Variants in ZBTB8A observed in about 807,000 individuals in gnomAD.
ZBTB8A encodes zinc finger and BTB domain containing 8A, also known as zinc finger and BTB domain-containing protein 8A.
A neutral mutation model predicts 37.8 loss-of-function variants in ZBTB8A; 19 were observed. The ratio of observed to expected loss-of-function variants is 0.50; its 90% CI spans 0.35 to 0.74. The LOEUF (loss-of-function observed/expected upper bound fraction) is 0.74, where lower values mean the gene tolerates loss of function less well. ZBTB8A is among the 30% of genes least tolerant of loss of function. The pLI is 0.01. For missense variants in ZBTB8A, 394 were observed against 537.8 expected (o/e 0.73, Z 2.65); for synonymous variants, 181 against 185.2 (o/e 0.98, Z 0.19).
At chr1:32,565,670 A>G (rs1644273085) in intron 2 of ZBTB8A, among the ~76,000 whole-genome samples, 1 of 152,140 alleles carries the variant, frequency 6.6e-6, no homozygotes, top group Non-Finnish European at 1.5e-5. Context: ...TTTTTTAATT[A>G]AAAATAAATA....
intron 1 of ZBTB8A, among the ~76,000 whole-genome samples, chr1:32,552,965 A>AT (rs1315066834): frequency 1.3e-5 from 2 of 149,090 alleles, no homozygotes; most frequent in East Asian, 3.9e-4. Flanking sequence ...ATTATTAATG[A>AT]TTTTCTATTA....
chr1:32,600,473 T>A lies in ZBTB8A; in HGVS notation c.*54T>A, dbSNP rs1201224203. ...GTCTGCAATTTACATTGACTTCCTG[T>A]ATCTCTCTCTTTCTATGGTCGGAGT... On this transcript the variant is annotated 3_prime_UTR_variant, in exon 5 of 5. Coordinates refer to ENST00000373510, the MANE Select transcript of ZBTB8A (RefSeq NM_001040441.3). 8 of 1,311,092 alleles carry A rather than the reference T, an allele frequency of 6.1e-6. No homozygotes were observed. The highest frequency in any genetic ancestry group is 8.5e-6 in the Non-Finnish European group (8 of 943,484). The allele number at this position is 1,311,092 out of a possible 1,614,324, so 81.2% of individuals were successfully genotyped here. A position where few individuals can be genotyped will look rare whatever the true frequency, so the allele number is the denominator to read the frequency against.
At chr1:32,600,047 T>C in intron 4 of ZBTB8A, 40 bp from the exon 5 acceptor site, 7 of 1,545,596 alleles carry the variant, frequency 4.5e-6, no homozygotes, top group Non-Finnish European at 6.2e-6. Context: ...TGTCCTGCTT[T>C]TGAAAAATCA....
At chr1:32,555,360 G>C (rs1342651822) in intron 2 of ZBTB8A, among the ~76,000 whole-genome samples, 1 of 152,082 alleles carries the variant, frequency 6.6e-6, no homozygotes, top group African/African-American at 2.4e-5. Context: ...CTGCACTCCA[G>C]CCTGGGCGAC....
rs1644597553 is a variant in ZBTB8A at position 32,603,990 on chromosome 1, C to A, written c.*3571C>A. 6.6e-6 allele frequency: 1 copy of A among 152,080 alleles called. No individual in the cohort carries two copies. Among genetic ancestry groups the A allele is most frequent in the South Asian group, 2.1e-4 (1 of 4,830 alleles). The allele number at this position is 152,080 out of a possible 1,614,324, so 9.4% of individuals were successfully genotyped here. ...TATTGATGATTGAGAAAATTGAATT[C>A]TTTGGTTTTTACATGTGGGCAAATG... On this transcript the variant is annotated 3_prime_UTR_variant, in exon 5 of 5. Coordinates refer to ENST00000373510, the MANE Select transcript of ZBTB8A (RefSeq NM_001040441.3).
Position 32,600,084 on chromosome 1 carries a change from C to A in ZBTB8A, c.994-3C>A. On this transcript the variant is annotated splice_region_variant and splice_polypyrimidine_tract_variant and intron_variant, in intron 4 of 4. Coordinates refer to ENST00000373510, the MANE Select transcript of ZBTB8A (RefSeq NM_001040441.3). ...TTTTATCACTATTTAAATCTCTACACAGATTCACCAGGCATGTAAACTCAT... is the reference window on the plus strand; with the variant it reads ...TTTTATCACTATTTAAATCTCTACAAAGATTCACCAGGCATGTAAACTCAT... 1 of 1,608,596 alleles carries A rather than the reference C, an allele frequency of 6.2e-7. No individual in the cohort carries two copies. The highest frequency in any genetic ancestry group is 8.5e-7 in the Non-Finnish European group (1 of 1,176,066).
chr1:32,547,083 T>G (rs1216578333), intron 1 of ZBTB8A, among the ~76,000 whole-genome samples: 1 of 152,058 alleles, frequency 6.6e-6, no homozygotes, highest in Non-Finnish European at 1.5e-5. Context: ...TTTTAATTAT[T>G]TGTAGAGATG....
At chr1:32,557,665 A>G in intron 2 of ZBTB8A, among the ~76,000 whole-genome samples, 1 of 152,036 alleles carries the variant, frequency 6.6e-6, no homozygotes, top group Non-Finnish European at 1.5e-5. Context: ...AGGTTTCACC[A>G]TGTTGCCCAG....
chr1:32,601,474 CA>C lies in ZBTB8A; in HGVS notation c.*1065del, dbSNP rs904078960. On this transcript the variant is annotated 3_prime_UTR_variant, in exon 5 of 5. Transcript: ENST00000373510. Reference sequence around the variant, plus strand: ...GGGCAACAAGAGCGAAACTCCGTCTCAAAAAAAAAAGGAAAACAAACTAGGA... The same window carrying C: ...GGGCAACAAGAGCGAAACTCCGTCTCAAAAAAAAAGGAAAACAAACTAGGA... 1,792 of 328,516 alleles carry C rather than the reference CA, an allele frequency of 5.5e-3. No homozygotes were observed. Among genetic ancestry groups the C allele is most frequent in the Middle Eastern group, 7.1e-3 (9 of 1,268 alleles). 20.4% of individuals were successfully genotyped at this position (328,516 alleles called of 1,614,324 possible).
chr1:32,554,223 A>T (rs539888451), intron 2 of ZBTB8A, among the ~76,000 whole-genome samples: 1 of 150,624 alleles, frequency 6.6e-6, no homozygotes, highest in East Asian at 1.9e-4. Flanking sequence ...AAAAAAGGGT[A>T]AAATTTTGTA....
At chr1:32,575,183 CT>C (rs1417280612) in intron 2 of ZBTB8A, among the ~76,000 whole-genome samples, 3 of 130,382 alleles carry the variant, frequency 2.3e-5, no homozygotes, top group African/African-American at 8.6e-5. Flanking sequence ...TTTATGCCAA[CT>C]TTTTTTTAAT....
At chr1:32,599,748 A>G (rs895111857) in intron 4 of ZBTB8A, among the ~76,000 whole-genome samples, 1 of 151,856 alleles carries the variant, frequency 6.6e-6, no homozygotes, top group Non-Finnish European at 1.5e-5. Context: ...TAAATAATAA[A>G]AATAATTAAA....
chr1:32,558,552 T>C (rs1644220945), intron 2 of ZBTB8A, among the ~76,000 whole-genome samples: 1 of 152,064 alleles, frequency 6.6e-6, no homozygotes, highest in South Asian at 2.1e-4. Context: ...AAAGAAATCA[T>C]GTAGGGAGCT....
chr1:32,574,163 T>C (rs1231672308), intron 2 of ZBTB8A, among the ~76,000 whole-genome samples: 1 of 152,126 alleles, frequency 6.6e-6, no homozygotes, highest in Non-Finnish European at 1.5e-5. Flanking sequence ...ACATTTTGAT[T>C]TGTGTAGAGT....
chr1:32,572,486 C>T (rs1644329470), intron 2 of ZBTB8A, among the ~76,000 whole-genome samples: 1 of 151,832 alleles, frequency 6.6e-6, no homozygotes, highest in Non-Finnish European at 1.5e-5. Flanking sequence ...ACCTCCGCCT[C>T]CTGGGTTCAG....
intron 2 of ZBTB8A, among the ~76,000 whole-genome samples, chr1:32,561,093 A>AC (rs1349401929): frequency 9.1e-6 from 1 of 110,182 alleles, no homozygotes; most frequent in East Asian, 2.6e-4. Context: ...CCCAATGCTT[A>AC]CAGGGTCTAA....
chr1:32,598,223 A>ATTTTT (rs762801492), intron 4 of ZBTB8A, among the ~76,000 whole-genome samples: 6 of 86,022 alleles, frequency 7.0e-5, no homozygotes, highest in Non-Finnish European at 1.1e-4. Flanking sequence ...GCTTTCTTGG[A>ATTTTT]TTTTTTTTTT....
chr1:32,572,164 C>T (rs1021037279), intron 2 of ZBTB8A, among the ~76,000 whole-genome samples: 1 of 152,050 alleles, frequency 6.6e-6, no homozygotes, highest in Non-Finnish European at 1.5e-5. Flanking sequence ...GTAATACTGG[C>T]CTCATAAAAT....
chr1:32,549,910 T>C (rs748914821), intron 1 of ZBTB8A, among the ~76,000 whole-genome samples: 1 of 152,186 alleles, frequency 6.6e-6, no homozygotes, highest in Non-Finnish European at 1.5e-5. Context: ...CTTGCCAGCA[T>C]TAACAGCCAA....
Sources: gnomAD v4.1 joint callset for allele counts (sites outside exome capture counted in the v4.1 genomes callset) on GRCh38, gnomAD v4.1.1 for gene constraint, MANE v1.5 for transcripts, NCBI Gene and HGNC (gene_info 2026-07-23, HGNC 2026-07-21) for gene names.